The following PABPC4L variants were observed in gnomAD, a reference collection of about 807,000 sequenced individuals.
PABPC4L encodes poly(A) binding protein cytoplasmic 4 like.
For missense variants in PABPC4L, 452 were observed against 451.4 expected, an observed-to-expected ratio of 1.00 and a Z score of -0.01; for synonymous variants, 169 against 164.1, an observed-to-expected ratio of 1.03 and a Z score of -0.23.
At chr4:134,016,275 G>A in the PABPC4L span, among the ~76,000 whole-genome samples, 9 of 152,188 alleles carry the variant, frequency 5.9e-5, no homozygotes, top group Middle Eastern at 0.01. Context: ...AGGACTAAAC[G>A]TCAATATTTA....
At chr4:134,147,766 G>GTTGTTA in the PABPC4L span, among the ~76,000 whole-genome samples, 2 of 150,940 alleles carry the variant, frequency 1.3e-5, 1 homozygote, top group African/African-American at 4.9e-5. Context: ...TGTTGTTGTT[G>GTTGTTA]TTGTTTTTTC....
the PABPC4L span, among the ~76,000 whole-genome samples, chr4:134,021,715 TTTC>T: frequency 6.6e-6 from 1 of 152,082 alleles, no homozygotes; most frequent in Non-Finnish European, 1.5e-5. Flanking sequence ...CTAATGTGAG[TTTC>T]TTCTAGTACA....
At chr4:134,046,643 A>T in the PABPC4L span, among the ~76,000 whole-genome samples, 1 of 152,084 alleles carries the variant, frequency 6.6e-6, no homozygotes, top group Admixed American at 6.6e-5. Flanking sequence ...GTCGGGGGAA[A>T]CCTTGGACAA....
the PABPC4L span, among the ~76,000 whole-genome samples, chr4:134,120,670 G>C: frequency 2.6e-5 from 4 of 151,034 alleles, no homozygotes; most frequent in Non-Finnish European, 5.9e-5. Flanking sequence ...ATAATCTTTT[G>C]TCATTCTTAT....
the PABPC4L span, among the ~76,000 whole-genome samples, chr4:134,121,874 C>A: frequency 4.0e-5 from 6 of 151,790 alleles, no homozygotes; most frequent in African/African-American, 1.2e-4. Context: ...TGTTTAGGAT[C>A]AAAGCACTGT....
At chr4:134,059,288 G>C in the PABPC4L span, among the ~76,000 whole-genome samples, 1 of 150,634 alleles carries the variant, frequency 6.6e-6, no homozygotes, top group Non-Finnish European at 1.5e-5. Flanking sequence ...TTAAAGGTTC[G>C]TCGGAAAGTT....
At chr4:134,164,262 C>CAAAAAAAAAA in the PABPC4L span, among the ~76,000 whole-genome samples, 7 of 34,178 alleles carry the variant, frequency 2.0e-4, no homozygotes, top group African/African-American at 4.5e-4. Context: ...GACTCCGTCT[C>CAAAAAAAAAA]AAAAAAAAAA....
chr4:134,166,473 T>G, the PABPC4L span, among the ~76,000 whole-genome samples: 1 of 152,178 alleles, frequency 6.6e-6, no homozygotes. Context: ...AGAAGAAACC[T>G]GATCTTACTG....
the PABPC4L span, among the ~76,000 whole-genome samples, chr4:134,049,486 A>C: frequency 6.6e-6 from 1 of 152,154 alleles, no homozygotes; most frequent in Non-Finnish European, 1.5e-5. Flanking sequence ...TATATAAATT[A>C]TCACCTTGTT....
At chr4:134,087,171 G>C in the PABPC4L span, among the ~76,000 whole-genome samples, 1 of 151,954 alleles carries the variant, frequency 6.6e-6, no homozygotes, top group Admixed American at 6.6e-5. Context: ...CAAAGACTTG[G>C]AACCAACCCA....
chr4:134,004,498 G>C, the PABPC4L span, among the ~76,000 whole-genome samples: 3 of 151,824 alleles, frequency 2.0e-5, no homozygotes, highest in Non-Finnish European at 4.4e-5. Flanking sequence ...CACAGATGTG[G>C]AGAGATCCTA....
At chr4:133,957,707 C>T in the PABPC4L span, among the ~76,000 whole-genome samples, 1 of 152,244 alleles carries the variant, frequency 6.6e-6, no homozygotes, top group Non-Finnish European at 1.5e-5. Context: ...CATTTTCATA[C>T]ATTCTCTGAA....
the PABPC4L span, among the ~76,000 whole-genome samples, chr4:134,126,648 T>G: frequency 6.6e-6 from 1 of 152,162 alleles, no homozygotes; most frequent in East Asian, 1.9e-4. Flanking sequence ...AAATTGTAAT[T>G]TTTTATTTTC....
chr4:134,062,757 C>T, the PABPC4L span, among the ~76,000 whole-genome samples: 1 of 151,930 alleles, frequency 6.6e-6, no homozygotes, highest in Non-Finnish European at 1.5e-5. Flanking sequence ...AAAATTTGAC[C>T]AGTACTACCT....
the PABPC4L span, among the ~76,000 whole-genome samples, chr4:134,107,348 T>C: frequency 6.6e-6 from 1 of 151,564 alleles, no homozygotes; most frequent in Non-Finnish European, 1.5e-5. Context: ...ATAATAATTC[T>C]AATATTACAT....
chr4:134,133,599 A>G, the PABPC4L span, among the ~76,000 whole-genome samples: 1 of 151,612 alleles, frequency 6.6e-6, no homozygotes, highest in Non-Finnish European at 1.5e-5. Context: ...CCAATCATCA[A>G]CGTCGTATGT....
the PABPC4L span, among the ~76,000 whole-genome samples, chr4:133,963,770 A>C: frequency 6.6e-6 from 1 of 152,098 alleles, no homozygotes; most frequent in Non-Finnish European, 1.5e-5. Flanking sequence ...AAAATTCTTC[A>C]AACTGAATGA....
chr4:134,073,194 A>C, the PABPC4L span, among the ~76,000 whole-genome samples: 1 of 152,188 alleles, frequency 6.6e-6, no homozygotes, highest in Non-Finnish European at 1.5e-5. Flanking sequence ...TAAAATCAAA[A>C]GCAAGCTAGT....
At position 134,199,677 on chromosome 4, in the gene PABPC4L, T is replaced by C; in HGVS notation, c.*230A>G. ...TATGAACATATCAAAATAAGAAAAA[T>C]GTGCAATATTAAAATTAGAAAATGT... On this transcript the variant is annotated 3_prime_UTR_variant, in exon 2 of 2. Transcript: ENST00000421491. 1 of 504,536 alleles carries C rather than the reference T, an allele frequency of 2.0e-6. No homozygotes were observed. Among genetic ancestry groups the C allele is most frequent in the Non-Finnish European group, 3.4e-6 (1 of 290,054 alleles). The allele number at this position is 504,536 out of a possible 1,614,324, so 31.3% of individuals were successfully genotyped here. A position where few individuals can be genotyped will look rare whatever the true frequency, so the allele number is the denominator to read the frequency against.
Sources: gnomAD v4.1 joint callset for allele counts (sites outside exome capture counted in the v4.1 genomes callset) on GRCh38, gnomAD v4.1.1 for gene constraint, MANE v1.5 for transcripts, NCBI Gene and HGNC (gene_info 2026-07-23, HGNC 2026-07-21) for gene names.